Variants in MR1 observed in about 807,000 individuals in gnomAD.
The protein encoded by MR1 is major histocompatibility complex class I-related protein 1.
MR1 carries 44 observed loss-of-function variants against 37.8 expected under a neutral mutation model. The ratio of observed to expected loss-of-function variants is 1.16; its 90% CI spans 0.91 to 1.50. MR1 has a LOEUF of 1.50. Ranked by LOEUF, MR1 falls within the 40% of genes most tolerant of loss-of-function variation. The pLI, the probability that MR1 is intolerant of heterozygous loss-of-function variation, is 0.00. For missense variants in MR1, 386 were observed against 419.1 expected (o/e 0.92, Z 0.69); for synonymous variants, 153 against 155.8 (o/e 0.98, Z 0.13).
At position 181,058,222 on chromosome 1, in the gene MR1, T is replaced by C. The variant is rs1157882213; in HGVS notation, c.*2957T>C. 6.6e-6 allele frequency: 1 copy of C among 152,162 alleles called. No homozygotes were observed. Among genetic ancestry groups the C allele is most frequent in the African/African-American group, 2.4e-5 (1 of 41,436 alleles). 9.4% of individuals were successfully genotyped at this position (152,162 alleles called of 1,614,324 possible). On this transcript the variant is annotated 3_prime_UTR_variant, in exon 6 of 6. Transcript: ENST00000367580. ...CATTAAAAACAAATAACTGTGCTAT[T>C]GCCACAGCTATGTTTTGGCTTTGAA...
At position 181,052,464 on chromosome 1, in the gene MR1, T is replaced by A. The variant is rs758968727; in HGVS notation, c.834T>A (p.Cys278Ter). ...CTCAGAGCAGCAACCTTTACTCCTG[T>A]CATGTGGAGCACTGCGGTGTCCACA... ...LDPQSSNLYS[C>*]HVEHCGVHMV... The change falls in exon 4 of 6, where the codon TGT becomes TGA. Residue 278 changes from cysteine to a stop codon, truncating the protein, a stop_gained. Transcript: ENST00000367580. LOFTEE classifies it high-confidence loss of function. 1.2e-6 allele frequency: 2 copies of A among 1,614,142 alleles called. No homozygotes were observed. The highest frequency in any genetic ancestry group is 1.7e-5 in the Admixed American group (1 of 60,014).
At position 181,057,951 on chromosome 1, in the gene MR1, G is replaced by C. The variant is rs1395572832; in HGVS notation, c.*2686G>C. The C allele has an allele frequency of 6.6e-6, 1 of 152,228 alleles. No individual in the cohort carries two copies. The highest frequency in any genetic ancestry group is 2.4e-5 in the African/African-American group (1 of 41,426). The allele number at this position is 152,228 out of a possible 1,614,324, so 9.4% of individuals were successfully genotyped here. ...CTTGAACCCGGGAGGCAGAGGTTGTGGTGAGCCGAGATCGCGCCATCGCAC... is the reference window on the plus strand; with the variant it reads ...CTTGAACCCGGGAGGCAGAGGTTGTCGTGAGCCGAGATCGCGCCATCGCAC... On this transcript the variant is annotated 3_prime_UTR_variant, in exon 6 of 6. Transcript: ENST00000367580.
chr1:181,047,481 C>G (rs1657957480), intron 1 of MR1, among the ~76,000 whole-genome samples: 1 of 152,182 alleles, frequency 6.6e-6, no homozygotes, highest in Non-Finnish European at 1.5e-5. Flanking sequence ...TACCTGTAAT[C>G]TCAGCTACTC....
chr1:181,050,387 T>C, intron 3 of MR1, 101 bp downstream of exon 3: 2 of 1,463,382 alleles, frequency 1.4e-6, no homozygotes, highest in Non-Finnish European at 1.9e-6. Context: ...CTGAAAGCCA[T>C]CTCTTTAGTT....
chr1:181,041,823 A>T (rs916721492), intron 1 of MR1, among the ~76,000 whole-genome samples: 2 of 152,136 alleles, frequency 1.3e-5, no homozygotes, highest in African/African-American at 4.8e-5. Context: ...ACTGTACTTT[A>T]AAAAAATTAT....
intron 2 of MR1, 125 bp downstream of exon 2, chr1:181,049,437 C>G: frequency 7.9e-7 from 1 of 1,260,246 alleles, no homozygotes; most frequent in Non-Finnish European, 1.1e-6. Flanking sequence ...CCTGAGGAAT[C>G]AGGTTGGTGG....
chr1:181,048,913 G>GT, intron 1 of MR1, 139 bp from the exon 2 acceptor site: 1 of 1,129,960 alleles, frequency 8.8e-7, no homozygotes, highest in Non-Finnish European at 1.3e-6. Flanking sequence ...CTGTGGTTCT[G>GT]TAAGAGGAAA....
rs144407805 is a variant in MR1, at chr1:181,049,187, G to A, written c.203G>A (p.Arg68Gln). The change falls in exon 2 of 6, where the codon CGG (arginine) becomes CAG (glutamine). Residue 68 changes from arginine to glutamine, a missense_variant. Physicochemically the swap from Arg to Gln is conservative, Grantham distance 43. Coordinates refer to ENST00000367580, the MANE Select transcript of MR1 (RefSeq NM_001385161.1). Reference protein sequence around the residue: ...YDSVTRQKEPRAPWMAENLAP... With the variant: ...YDSVTRQKEPQAPWMAENLAP... ...AGTGTCACTCGGCAGAAGGAGCCAC[G>A]GGCCCCATGGATGGCAGAGAACCTC... 1.5e-5 allele frequency: 25 copies of A among 1,614,042 alleles called. No homozygotes were observed. The highest frequency in any genetic ancestry group is 4.5e-5 in the East Asian group (2 of 44,898).
intron 1 of MR1, among the ~76,000 whole-genome samples, chr1:181,034,512 A>G (rs932997930): frequency 6.6e-6 from 1 of 152,202 alleles, no homozygotes; most frequent in African/African-American, 2.4e-5. Context: ...GTAATAAAAG[A>G]TCCAAGAAAG....
intron 1 of MR1, among the ~76,000 whole-genome samples, chr1:181,040,782 C>A (rs1657512880): frequency 2.6e-5 from 4 of 151,356 alleles, no homozygotes; most frequent in Admixed American, 2.0e-4. Flanking sequence ...AAAAAAAAAC[C>A]CAGAAAGAAA....
At chr1:181,044,416 G>T (rs1031731676) in intron 1 of MR1, among the ~76,000 whole-genome samples, 2 of 152,226 alleles carry the variant, frequency 1.3e-5, no homozygotes, top group African/African-American at 4.8e-5. Flanking sequence ...CAGCAGCAGG[G>T]TGGGCAATCT....
At chr1:181,043,669 T>G (rs1020021681) in intron 1 of MR1, among the ~76,000 whole-genome samples, 1 of 152,064 alleles carries the variant, frequency 6.6e-6, no homozygotes, top group Non-Finnish European at 1.5e-5. Flanking sequence ...GCCGCTGCAC[T>G]CCAGCTGGGC....
intron 2 of MR1, chr1:181,049,675 A>T (rs1658180467): frequency 2.1e-6 from 1 of 474,950 alleles, no homozygotes; most frequent in Non-Finnish European, 3.8e-6. Flanking sequence ...TATCGACAGT[A>T]ACTTTCCCAG....
At chr1:181,037,390 A>G (rs1328324903) in intron 1 of MR1, among the ~76,000 whole-genome samples, 2 of 152,230 alleles carry the variant, frequency 1.3e-5, no homozygotes, top group East Asian at 1.9e-4. Flanking sequence ...GGTATATGCC[A>G]TAGAAATTTC....
At chr1:181,054,984 CA>C (rs1282565997) in intron 5 of MR1, among the ~76,000 whole-genome samples, 1 of 152,088 alleles carries the variant, frequency 6.6e-6, no homozygotes, top group Non-Finnish European at 1.5e-5. Context: ...GTGAAACAAA[CA>C]AAAAATTTTT....
chr1:181,053,624 T>A lies in MR1; in HGVS notation c.932T>A (p.Leu311His), dbSNP rs1053016417. 1 of 1,613,994 alleles carries A rather than the reference T, an allele frequency of 6.2e-7. No individual in the cohort carries two copies. The highest frequency in any genetic ancestry group is 8.5e-7 in the Non-Finnish European group (1 of 1,179,884). ...AAAGCTGTCTCTGGGTCCATTGTCC[T>A]TGTCATTGTGCTGGCTGGAGTTGGT... is the stretch of plus-strand genomic sequence containing the variant. Reference protein sequence around the residue: ...VMKAVSGSIVLVIVLAGVGVL... With the variant: ...VMKAVSGSIVHVIVLAGVGVL... The change falls in exon 5 of 6, where the codon CTT (leucine) becomes CAT (histidine). Residue 311 changes from leucine (L) to histidine (H), a missense_variant. Leu to His is a moderately conservative substitution (Grantham distance 99, BLOSUM62 -3). Coordinates refer to ENST00000367580, the MANE Select transcript of MR1 (RefSeq NM_001385161.1).
At position 181,049,572 on chromosome 1, in the gene MR1, T is replaced by A. The variant is rs183039001; in HGVS notation, c.328+260T>A. ...ATCCGTATCTGCATCCCATTTCCAC[T>A]CAGGCTTCTGATATGCATCTCCTTT... On this transcript the variant is annotated intron_variant, in intron 2 of 5. Transcript: ENST00000367580. 363 of 554,898 alleles carry A rather than the reference T, an allele frequency of 6.5e-4. 4 individuals are homozygous for A. The East Asian group carries it at 7.0e-3, about 11-fold the overall frequency. 34.4% of individuals were successfully genotyped at this position (554,898 alleles called of 1,614,324 possible). A position where few individuals can be genotyped will look rare whatever the true frequency, so the allele number is the denominator to read the frequency against.
Position 181,061,181 on chromosome 1 carries a change from A to G in MR1, c.*5916A>G, listed in dbSNP as rs1274130906. On this transcript the variant is annotated 3_prime_UTR_variant, in exon 6 of 6. Transcript: ENST00000367580. ...CCTTGGTTGTAAATCTAGTTTGATTACATTTGTAATCAAATGATGGCCATT... is the reference window on the plus strand; with the variant it reads ...CCTTGGTTGTAAATCTAGTTTGATTGCATTTGTAATCAAATGATGGCCATT... 6.6e-6 allele frequency: 1 copy of G among 152,286 alleles called. No individual in the cohort carries two copies. The highest frequency in any genetic ancestry group is 1.9e-4 in the East Asian group (1 of 5,196). The allele number at this position is 152,286 out of a possible 1,614,324, so 9.4% of individuals were successfully genotyped here. A position where few individuals can be genotyped will look rare whatever the true frequency, so the allele number is the denominator to read the frequency against.
In MR1 at chr1:181,053,673, C is replaced by G. The variant is rs1290151537; in HGVS notation, c.981C>G (p.Pro327=). The G allele has an allele frequency of 5.0e-6, 8 of 1,610,430 alleles. No homozygotes were observed. In the South Asian group the frequency reaches 8.8e-5, roughly 18 times the overall value. The part of the protein sequence containing the change: ...GVGVLVWRRR[P]REQNGAIYLP... ...GTGTTCTAGTCTGGAGAAGAAGGCC[C>G]CGAGGTGAGAGGCACATGGAAGGGA... Residue 327 remains proline (P), a synonymous_variant, in exon 5 of 6, where the codon CCC becomes CCG. Transcript: ENST00000367580.
Sources: gnomAD v4.1 joint callset for allele counts (sites outside exome capture counted in the v4.1 genomes callset) on GRCh38, gnomAD v4.1.1 for gene constraint, MANE v1.5 for transcripts, NCBI Gene and HGNC (gene_info 2026-07-23, HGNC 2026-07-21) for gene names.